Variants in ALG9 observed in about 807,000 individuals in gnomAD.
ALG9 encodes the protein ALG9 alpha-1,2-mannosyltransferase, also known as alpha-1,2-mannosyltransferase ALG9.
Under a neutral mutation model 81.8 loss-of-function variants are expected in ALG9, and 55 were observed. That is an observed-to-expected ratio of 0.67 (90% CI 0.54 to 0.84). ALG9 has a LOEUF of 0.84. Among genes scored for constraint, ALG9 ranks in the 40% least tolerant of loss-of-function variants. The probability of loss-of-function intolerance (pLI) is 0.00; values close to 1 mark genes in which losing one functional copy is unlikely to be tolerated. For synonymous variants in ALG9, 278 were observed against 274.3 expected (o/e 1.01, Z -0.13); for missense variants, 629 against 745.0 (o/e 0.84, Z 1.81).
At chr11:111,818,309 A>G (rs1951824389) in intron 13 of ALG9, among the ~76,000 whole-genome samples, 1 of 152,240 alleles carries the variant, frequency 6.6e-6, no homozygotes, top group Non-Finnish European at 1.5e-5. Flanking sequence ...TGTGAACATC[A>G]TAGAGTGTAT....
intron 14 of ALG9, among the ~76,000 whole-genome samples, chr11:111,792,823 C>T (rs1947628743): frequency 6.6e-6 from 1 of 152,074 alleles, no homozygotes; most frequent in Non-Finnish European, 1.5e-5. Flanking sequence ...GAAGACAAAC[C>T]TCCTTTTCTC....
At chr11:111,773,812 T>C in the ALG9 span, among the ~76,000 whole-genome samples, 10 of 149,464 alleles carry the variant, frequency 6.7e-5, no homozygotes, top group Admixed American at 6.7e-5. Flanking sequence ...TGGAGTGCAG[T>C]AGCATGATCA....
rs556910113 is a variant in ALG9, at chr11:111,847,867, C to T, written c.896-3144G>A. 1.4e-3 allele frequency among the ~76,000 whole-genome samples: 207 copies of T among 152,306 alleles called. 1 individual carries two copies. Among genetic ancestry groups the T allele is most frequent in the Non-Finnish European group, 1.6e-3 (112 of 68,020 alleles). On this transcript the variant is annotated intron_variant, in intron 8 of 14. Coordinates refer to ENST00000616540, the MANE Select transcript of ALG9 (RefSeq NM_024740.2). Reference sequence around the variant, plus strand: ...CTCGCTAGGGGCTCCTGATCACTTTCCAAACCAAAATGCACAAACCTTCAA... The same window carrying T: ...CTCGCTAGGGGCTCCTGATCACTTTTCAAACCAAAATGCACAAACCTTCAA...
At chr11:111,839,730 T>C (rs1955922299) in intron 10 of ALG9, among the ~76,000 whole-genome samples, 2 of 152,142 alleles carry the variant, frequency 1.3e-5, no homozygotes, top group Non-Finnish European at 2.9e-5. Flanking sequence ...TTTTACTACT[T>C]CCTAAATTAT....
At chr11:111,869,520 A>T (rs1266115190) in intron 2 of ALG9, among the ~76,000 whole-genome samples, 1 of 152,200 alleles carries the variant, frequency 6.6e-6, no homozygotes, top group Admixed American at 6.5e-5. Flanking sequence ...TGGAATAGAA[A>T]GCTACTGTTT....
intron 4 of ALG9, among the ~76,000 whole-genome samples, chr11:111,863,174 C>T (rs550707899): frequency 3.3e-5 from 5 of 151,998 alleles, no homozygotes; most frequent in Admixed American, 6.6e-5. Flanking sequence ...GACCAAGACA[C>T]GGTGAAACCC....
intron 8 of ALG9, among the ~76,000 whole-genome samples, chr11:111,851,548 A>G (rs1011834880): frequency 2.6e-5 from 4 of 152,088 alleles, no homozygotes; most frequent in African/African-American, 4.8e-5. Context: ...TGTCACTTTC[A>G]TAAGTCTCTC....
intron 13 of ALG9, among the ~76,000 whole-genome samples, chr11:111,834,107 A>T (rs1555115385): frequency 6.6e-6 from 1 of 152,278 alleles, no homozygotes; most frequent in Non-Finnish European, 1.5e-5. Flanking sequence ...TTGATGTGGA[A>T]AGATATGATA....
intron 5 of ALG9, among the ~76,000 whole-genome samples, chr11:111,859,010 A>G (rs1391414577): frequency 2.0e-5 from 3 of 152,214 alleles, no homozygotes; most frequent in African/African-American, 7.2e-5. Context: ...GTTTGAGACC[A>G]GCCTGGGCAA....
At chr11:111,776,399 G>C in the ALG9 span, among the ~76,000 whole-genome samples, 2 of 152,070 alleles carry the variant, frequency 1.3e-5, no homozygotes, top group Admixed American at 1.3e-4. Context: ...AGACCAGCCT[G>C]GCCAACATGG....
At chr11:111,812,346 T>C (rs1405908020) in intron 13 of ALG9, among the ~76,000 whole-genome samples, 1 of 152,132 alleles carries the variant, frequency 6.6e-6, no homozygotes, top group Non-Finnish European at 1.5e-5. Context: ...AGTGGGAAGA[T>C]AGCTTGAGGC....
downstream of ALG9, among the ~76,000 whole-genome samples, chr11:111,780,313 C>T (rs1162284077): frequency 5.3e-5 from 8 of 151,740 alleles, no homozygotes; most frequent in African/African-American, 1.5e-4. Flanking sequence ...GGAGAATTGG[C>T]GAAATATAAA....
At chr11:111,805,840 T>G (rs1565714332) in intron 14 of ALG9, among the ~76,000 whole-genome samples, 1 of 152,110 alleles carries the variant, frequency 6.6e-6, no homozygotes, top group African/African-American at 2.4e-5. Context: ...CCATTGCTTT[T>G]TTGTTGTTGT....
intron 13 of ALG9, among the ~76,000 whole-genome samples, chr11:111,823,532 T>C (rs528486316): frequency 6.6e-6 from 1 of 152,328 alleles, no homozygotes; most frequent in Non-Finnish European, 1.5e-5. Flanking sequence ...CAAAATAAGA[T>C]CATTCAATTC....
chr11:111,838,189 A>C lies in ALG9; in HGVS notation c.1324+60T>G, dbSNP rs1482868816. On this transcript the variant is annotated intron_variant, in intron 11 of 14. Transcript: ENST00000616540. ...ATATGTATTATATAATCATGAATCAAGTAAAACCTAAGAGCAAGTGACTCG... is the reference window on the plus strand; with the variant it reads ...ATATGTATTATATAATCATGAATCACGTAAAACCTAAGAGCAAGTGACTCG... The C allele has an allele frequency of 5.6e-6, 9 of 1,596,740 alleles. No individual in the cohort carries two copies. In the Admixed American group the frequency reaches 1.5e-4, roughly 27 times the overall value.
intron 13 of ALG9, among the ~76,000 whole-genome samples, chr11:111,828,111 T>C (rs1953695859): frequency 6.6e-6 from 1 of 151,876 alleles, no homozygotes; most frequent in African/African-American, 2.4e-5. Flanking sequence ...GGGGAATTGC[T>C]TGAACCAGAC....
At chr11:111,813,408 C>A (rs1195262150) in intron 13 of ALG9, among the ~76,000 whole-genome samples, 2 of 152,000 alleles carry the variant, frequency 1.3e-5, no homozygotes, top group Non-Finnish European at 2.9e-5. Flanking sequence ...TCAAGATCAG[C>A]CTGAGCAAAA....
chr11:111,843,864 A>G (rs1233335051), intron 9 of ALG9, among the ~76,000 whole-genome samples: 5 of 152,232 alleles, frequency 3.3e-5, no homozygotes, highest in Admixed American at 6.5e-5. Context: ...CCCTTACTTC[A>G]CTATCAAATT....
chr11:111,836,288 C>CT lies in ALG9; in HGVS notation c.1478dup (p.Leu494AlafsTer29). ...TGAACTCTGATGGAATGAACTGAAGCTGCCAACTGTCAGAAACACAAGGAG... is the reference window on the plus strand; with the variant it reads ...TGAACTCTGATGGAATGAACTGAAGCTTGCCAACTGTCAGAAACACAAGGAG... On this transcript the variant is annotated frameshift_variant, in exon 13 of 15. Coordinates refer to ENST00000616540, the MANE Select transcript of ALG9 (RefSeq NM_024740.2). LOFTEE classifies it high-confidence loss of function. 1 of 1,613,986 alleles carries CT rather than the reference C, an allele frequency of 6.2e-7. No individual in the cohort carries two copies. Among genetic ancestry groups the CT allele is most frequent in the Non-Finnish European group, 8.5e-7 (1 of 1,179,956 alleles).
Sources: allele counts gnomAD v4.1 joint callset (sites outside exome capture counted in the v4.1 genomes callset), GRCh38; gene constraint gnomAD v4.1.1; transcripts MANE v1.5; gene names NCBI Gene and HGNC (gene_info 2026-07-23, HGNC 2026-07-21).